The following PTK2 variants were observed in gnomAD, a reference collection of about 807,000 sequenced individuals.
PTK2 encodes protein tyrosine kinase 2.
A neutral mutation model predicts 150.1 loss-of-function variants in PTK2; 45 were observed. The observed-to-expected ratio is 0.30, with a 90% confidence interval of 0.24 to 0.38. The LOEUF is 0.38. Among genes scored for constraint, PTK2 ranks in the 10% least tolerant of loss-of-function variants. The pLI is 1.00. For missense variants in PTK2, 919 were observed against 1,307.3 expected (o/e 0.70, Z 4.58); for synonymous variants, 432 against 449.2 (o/e 0.96, Z 0.48).
chr8:140,840,205 C>T (rs570206008), intron 7 of PTK2, among the ~76,000 whole-genome samples: 4 of 152,228 alleles, frequency 2.6e-5, no homozygotes, highest in East Asian at 1.9e-4. Flanking sequence ...ACCACAGCTG[C>T]GTGCCACCGC....
intron 21 of PTK2, among the ~76,000 whole-genome samples, chr8:140,735,656 A>G (rs2100052185): frequency 6.6e-6 from 1 of 152,200 alleles, no homozygotes. Flanking sequence ...ATGTTAAATT[A>G]TTATCAAGAA....
chr8:140,959,095 C>T lies in PTK2; in HGVS notation c.-121-33346G>A, dbSNP rs541678077. 8.5e-4 allele frequency among the ~76,000 whole-genome samples: 129 copies of T among 151,956 alleles called. 2 individuals carry two copies. In the South Asian group the frequency reaches 0.025, roughly 30 times the overall value. ...GTTTAAAACTATACAAAAGCTAATCCTAATGTTTAAAGACACATAATAGGG... is the reference window on the plus strand; with the variant it reads ...GTTTAAAACTATACAAAAGCTAATCTTAATGTTTAAAGACACATAATAGGG... On this transcript the variant is annotated intron_variant, in intron 1 of 31. Coordinates refer to ENST00000522684, the Ensembl canonical transcript of PTK2.
At chr8:140,981,131 AAAAC>A (rs963843122) in intron 1 of PTK2, among the ~76,000 whole-genome samples, 6 of 152,016 alleles carry the variant, frequency 3.9e-5, no homozygotes, top group Admixed American at 1.3e-4. Flanking sequence ...GAAATGGAAA[AAAAC>A]AATATCATTC....
At position 140,826,218 on chromosome 8, in the gene PTK2, G is replaced by C. The variant is rs187466448; in HGVS notation, c.648+4254C>G. 4.9e-3 allele frequency among the ~76,000 whole-genome samples: 740 copies of C among 152,284 alleles called. 7 individuals are homozygous for C. The highest frequency in any genetic ancestry group is 0.015 in the Admixed American group (222 of 15,306). On this transcript the variant is annotated intron_variant, in intron 8 of 31. Transcript: ENST00000522684. The stretch of plus-strand genomic sequence containing the variant: ...CTATTTCAGAAGAAACAAGAAACTG[G>C]TGTGAATTTCTAGCTAGCTGAAGTT...
chr8:140,670,541 T>A (rs2095146143), intron 29 of PTK2, among the ~76,000 whole-genome samples: 1 of 105,354 alleles, frequency 9.5e-6, no homozygotes, highest in South Asian at 3.1e-4. Flanking sequence ...ACACACACAT[T>A]GGGAGCTTAT....
intron 14 of PTK2, among the ~76,000 whole-genome samples, chr8:140,767,776 C>G (rs1322385907): frequency 6.6e-6 from 1 of 152,138 alleles, no homozygotes; most frequent in Non-Finnish European, 1.5e-5. Context: ...CCAGCCTTCC[C>G]AAGAATTCTT....
At chr8:140,661,089 A>G (rs1471558064) in intron 31 of PTK2, among the ~76,000 whole-genome samples, 1 of 152,218 alleles carries the variant, frequency 6.6e-6, no homozygotes, top group Non-Finnish European at 1.5e-5. Flanking sequence ...CTTCACAGAG[A>G]GAATTTGTCT....
chr8:140,975,829 A>G (rs1203193499), intron 1 of PTK2, among the ~76,000 whole-genome samples: 1 of 151,852 alleles, frequency 6.6e-6, no homozygotes. Flanking sequence ...TAACAGTCTC[A>G]CTCCCCCTCA....
chr8:140,747,104 A>G, intron 17 of PTK2: 1 of 360,040 alleles, frequency 2.8e-6, no homozygotes, highest in Non-Finnish European at 5.1e-6. Context: ...GTTGGCCAGG[A>G]TGGTCTCGAT....
At chr8:140,743,934 T>G (rs529179694) in intron 19 of PTK2, among the ~76,000 whole-genome samples, 1 of 151,900 alleles carries the variant, frequency 6.6e-6, no homozygotes, top group South Asian at 2.1e-4. Context: ...CCCGCCACCA[T>G]GCCCAGCTAA....
intron 31 of PTK2, chr8:140,660,662 G>C: frequency 2.2e-6 from 1 of 454,972 alleles, no homozygotes. Context: ...GAAGACAGAG[G>C]TTGTAGTGAG....
chr8:140,695,109 C>T (rs7839255), intron 26 of PTK2, among the ~76,000 whole-genome samples: 2,945 of 152,334 alleles, frequency 0.019, 86 homozygotes, highest in African/African-American at 0.066. Flanking sequence ...CTGGCATCAT[C>T]ATGTTTCCCT....
chr8:140,940,104 T>C (rs774655674), intron 1 of PTK2, among the ~76,000 whole-genome samples: 9 of 152,240 alleles, frequency 5.9e-5, no homozygotes, highest in African/African-American at 1.2e-4. Context: ...TTACTGTTCG[T>C]ATTGACATAT....
Position 140,701,022 on chromosome 8 carries a change from C to T in PTK2, c.2368G>A (p.Asp790Asn), listed in dbSNP as rs763543656. 11 of 1,613,028 alleles carry T rather than the reference C, an allele frequency of 6.8e-6. 1 individual carries two copies. In the South Asian group the frequency reaches 1.1e-4, roughly 16 times the overall value. ...CCTCGCAGGTCCAATACTGTAGAGT[C>T]CTGGAAGAAGGGTTGAAAACAGCAT... Residue 790 changes from aspartate (D) to asparagine (N), a missense_variant and splice_region_variant, in exon 26 of 32, where the codon GAC becomes AAC. Physicochemically the swap from Asp to Asn is conservative, Grantham distance 23 (BLOSUM62 1). Around this residue, in one of 3 missense-constraint regions of PTK2, gnomAD observed 258 missense variants for 265.4 expected, o/e 0.97. Coordinates refer to ENST00000522684, the Ensembl canonical transcript of PTK2.
intron 3 of PTK2, among the ~76,000 whole-genome samples, chr8:140,882,893 C>T (rs1242721828): frequency 6.6e-6 from 1 of 152,116 alleles, no homozygotes; most frequent in Non-Finnish European, 1.5e-5. Flanking sequence ...ATACTTGATG[C>T]ATAATGTTAC....
chr8:140,959,538 C>CAAAAA (rs34010616), intron 1 of PTK2, among the ~76,000 whole-genome samples: 1 of 85,058 alleles, frequency 1.2e-5, no homozygotes, highest in Non-Finnish European at 2.2e-5. Context: ...GACTCTGTCT[C>CAAAAA]AAAAAAAAAA....
chr8:140,670,776 A>G (rs1396869050), intron 29 of PTK2, among the ~76,000 whole-genome samples: 2 of 152,062 alleles, frequency 1.3e-5, no homozygotes, highest in Non-Finnish European at 2.9e-5. Context: ...ACTTCATAGG[A>G]TGTACCAGTT....
intron 28 of PTK2, 143 bp downstream of exon 31, chr8:140,675,317 T>C (rs1770316928): frequency 2.4e-6 from 2 of 834,214 alleles, no homozygotes; most frequent in African/African-American, 1.7e-5. Flanking sequence ...ATGAGCTGAA[T>C]GTGGTAAACA....
intron 2 of PTK2, among the ~76,000 whole-genome samples, chr8:140,894,942 A>T (rs1402729101): frequency 6.6e-6 from 1 of 152,226 alleles, no homozygotes; most frequent in East Asian, 1.9e-4. Flanking sequence ...ATAATACATA[A>T]TCTTTGCAAG....
Sources: gnomAD v4.1 joint callset for allele counts (sites outside exome capture counted in the v4.1 genomes callset) on GRCh38, gnomAD v4.1.1 for gene constraint, gnomAD v4.1.1 regional missense constraint, MANE v1.5 for transcripts, NCBI Gene and HGNC (gene_info 2026-07-23, HGNC 2026-07-21) for gene names.